PPP3CB: variants seen among roughly 807,000 people sequenced by gnomAD.
The protein encoded by PPP3CB is protein phosphatase 3 catalytic subunit beta, also known as serine/threonine-protein phosphatase 2B catalytic subunit beta isoform.
A neutral mutation model predicts 66.4 loss-of-function variants in PPP3CB; 8 were observed. The observed-to-expected ratio is 0.12, with a 90% CI of 0.07 to 0.22. PPP3CB has a LOEUF of 0.22. PPP3CB is among the 10% of genes least tolerant of loss of function. PPP3CB has a pLI of 1.00. For missense variants in PPP3CB, 319 were observed against 642.5 expected (o/e 0.50, Z 5.44); for synonymous variants, 208 against 221.2 (o/e 0.94, Z 0.53).
At chr10:73,458,066 C>G (rs1278707544) in intron 9 of PPP3CB, among the ~76,000 whole-genome samples, 1 of 152,148 alleles carries the variant, frequency 6.6e-6, no homozygotes, top group Non-Finnish European at 1.5e-5. Flanking sequence ...CTTGACTTCA[C>G]CACTATGCAA....
Position 73,446,610 on chromosome 10 carries a change from G to A in PPP3CB, c.1187-37C>T, listed in dbSNP as rs1564548837. ...GGAATAAATAGAGAGAAAGGCTCAA[G>A]TTTAGGGCATGCATGCTTACAATAT... On this transcript the variant is annotated intron_variant, in intron 10 of 13. Coordinates refer to ENST00000360663, the MANE Select transcript of PPP3CB (RefSeq NM_021132.4). The A allele has an allele frequency of 1.9e-6, 3 of 1,566,422 alleles. No individual in the cohort carries two copies. In the South Asian group the frequency reaches 3.3e-5, roughly 17 times the overall value.
intron 4 of PPP3CB, among the ~76,000 whole-genome samples, chr10:73,472,576 C>T (rs554470338): frequency 1.7e-4 from 25 of 151,268 alleles, no homozygotes; most frequent in Admixed American, 8.5e-4. Context: ...AAAATTAGAA[C>T]TGTACTTGAG....
intron 12 of PPP3CB, chr10:73,444,369 G>C (rs1044484170): frequency 1.7e-5 from 9 of 522,220 alleles, no homozygotes; most frequent in Non-Finnish European, 2.9e-5. Context: ...TTTAGTAACA[G>C]GAATATCCCT....
At chr10:73,489,910 G>A (rs1486948178) in intron 1 of PPP3CB, among the ~76,000 whole-genome samples, 3 of 152,012 alleles carry the variant, frequency 2.0e-5, no homozygotes, top group Admixed American at 6.6e-5. Context: ...GGACTACCTC[G>A]AAACATTATC....
intron 1 of PPP3CB, among the ~76,000 whole-genome samples, chr10:73,489,858 A>G (rs1264557257): frequency 6.6e-6 from 1 of 151,794 alleles, no homozygotes; most frequent in Non-Finnish European, 1.5e-5. Context: ...TGTTACACCT[A>G]CTCTAGCCCC....
At chr10:73,440,203 T>A (rs2056122596) in intron 12 of PPP3CB, among the ~76,000 whole-genome samples, 1 of 152,222 alleles carries the variant, frequency 6.6e-6, no homozygotes, top group Non-Finnish European at 1.5e-5. Flanking sequence ...ATTACCCATC[T>A]TGAATCAGTA....
At chr10:73,487,969 C>T (rs1228396751) in intron 1 of PPP3CB, among the ~76,000 whole-genome samples, 1 of 151,782 alleles carries the variant, frequency 6.6e-6, no homozygotes, top group Admixed American at 6.6e-5. Context: ...TTAATAGAGA[C>T]GGGGTTTCAC....
Position 73,495,906 on chromosome 10 carries a change from G to A in PPP3CB, c.-17C>T. On this transcript the variant is annotated 5_prime_UTR_variant, in exon 1 of 14. Coordinates refer to ENST00000360663, the MANE Select transcript of PPP3CB (RefSeq NM_021132.4). The stretch of plus-strand genomic sequence containing the variant: ...GGCGGCCATGCTGGGCCCGGGGCTC[G>A]GCTAGGCTCTGGGCCGGGCGGGGTT... 3 of 1,250,376 alleles carry A rather than the reference G, an allele frequency of 2.4e-6. No individual in the cohort carries two copies. Among genetic ancestry groups the A allele is most frequent in the Non-Finnish European group, 3.0e-6 (3 of 985,186 alleles). 77.5% of individuals were successfully genotyped at this position (1,250,376 alleles called of 1,614,324 possible).
chr10:73,489,837 C>A, intron 1 of PPP3CB, among the ~76,000 whole-genome samples: 1 of 152,104 alleles, frequency 6.6e-6, no homozygotes, highest in Non-Finnish European at 1.5e-5. Context: ...AACTCCATGC[C>A]TTTCTGCTTC....
At chr10:73,476,805 T>C (rs554995985) in intron 3 of PPP3CB, among the ~76,000 whole-genome samples, 5 of 152,200 alleles carry the variant, frequency 3.3e-5, no homozygotes, top group Middle Eastern at 3.4e-3. Flanking sequence ...TTGGGAAAAG[T>C]TGACGAGGCT....
At chr10:73,445,599 C>T (rs1237962860) in intron 11 of PPP3CB, among the ~76,000 whole-genome samples, 2 of 151,984 alleles carry the variant, frequency 1.3e-5, no homozygotes, top group Admixed American at 6.6e-5. Flanking sequence ...GTGCATGCCA[C>T]CAGGCCCGGC....
intron 9 of PPP3CB, among the ~76,000 whole-genome samples, 154 bp from the exon 10 acceptor site, chr10:73,454,643 G>C (rs2056395386): frequency 6.6e-6 from 1 of 151,448 alleles, no homozygotes; most frequent in Non-Finnish European, 1.5e-5. Context: ...AAATGCAAAG[G>C]CTTTCAAAAT....
chr10:73,489,935 T>C (rs1465211291), intron 1 of PPP3CB, among the ~76,000 whole-genome samples: 1 of 152,150 alleles, frequency 6.6e-6, no homozygotes, highest in Non-Finnish European at 1.5e-5. Flanking sequence ...CAGTGACGCT[T>C]TCCCTCAAAG....
At chr10:73,447,250 C>G (rs1433668083) in intron 10 of PPP3CB, among the ~76,000 whole-genome samples, 1 of 152,124 alleles carries the variant, frequency 6.6e-6, no homozygotes, top group Non-Finnish European at 1.5e-5. Flanking sequence ...ACATAAGCAA[C>G]AAGAAAAACA....
intron 1 of PPP3CB, 33 bp downstream of exon 1, chr10:73,495,772 G>C: frequency 6.4e-7 from 1 of 1,566,848 alleles, no homozygotes; most frequent in Non-Finnish European, 8.7e-7. Flanking sequence ...TAGCTCTTCA[G>C]GCCAGGCCCC....
intron 1 of PPP3CB, among the ~76,000 whole-genome samples, chr10:73,493,761 TATA>T (rs2057116788): frequency 6.6e-6 from 1 of 152,204 alleles, no homozygotes; most frequent in African/African-American, 2.4e-5. Flanking sequence ...TTTATTTAAC[TATA>T]ATTTTCTATA....
intron 3 of PPP3CB, among the ~76,000 whole-genome samples, chr10:73,475,735 G>A (rs186777304): frequency 6.0e-4 from 91 of 152,212 alleles, no homozygotes; most frequent in African/African-American, 2.1e-3. Context: ...TATAGCAGAT[G>A]CTATTCTCTA....
intron 1 of PPP3CB, among the ~76,000 whole-genome samples, chr10:73,485,953 T>TGTGTG (rs577772189): frequency 5.0e-5 from 7 of 140,492 alleles, no homozygotes; most frequent in South Asian, 2.3e-4. Context: ...TGTGTGTGTA[T>TGTGTG]TTTTTTTTTT....
intron 4 of PPP3CB, among the ~76,000 whole-genome samples, chr10:73,472,632 T>C (rs1180535623): frequency 2.0e-5 from 3 of 152,056 alleles, no homozygotes; most frequent in Non-Finnish European, 4.4e-5. Context: ...TAAGAGTCAA[T>C]GACTACTTTA....
Sources: allele counts gnomAD v4.1 joint callset (sites outside exome capture counted in the v4.1 genomes callset), GRCh38; gene constraint gnomAD v4.1.1; transcripts MANE v1.5; gene names NCBI Gene and HGNC (gene_info 2026-07-23, HGNC 2026-07-21).